The following MPDZ variants were observed in gnomAD, a reference collection of about 807,000 sequenced individuals.
The protein encoded by MPDZ is multiple PDZ domain crumbs cell polarity complex component, also known as multiple PDZ domain protein.
A neutral mutation model predicts 239.1 loss-of-function variants in MPDZ; 234 were observed. That is an observed-to-expected ratio of 0.98 (90% confidence interval 0.88 to 1.09). The LOEUF (loss-of-function observed/expected upper bound fraction) is 1.09. Ranked by LOEUF, MPDZ falls within the 50% of genes least tolerant of loss-of-function variation. MPDZ has a pLI of 0.00. For synonymous variants in MPDZ, 1,048 were observed against 881.3 expected (o/e 1.19, Z -3.35); for missense variants, 3,175 against 2,510.0 (o/e 1.26, Z -5.66).
intron 21 of MPDZ, among the ~76,000 whole-genome samples, chr9:13,169,967 A>C (rs1271297686): frequency 2.6e-5 from 4 of 152,176 alleles, no homozygotes; most frequent in African/African-American, 7.2e-5. Context: ...ACTCTATCTG[A>C]ATTAATGTTC....
intron 39 of MPDZ, among the ~76,000 whole-genome samples, chr9:13,117,219 A>G (rs1943595319): frequency 6.6e-6 from 1 of 152,160 alleles, no homozygotes. Flanking sequence ...AAACCACAGG[A>G]AGAGAAACTG....
chr9:13,188,767 A>G lies in MPDZ; in HGVS notation c.2364+17T>C, dbSNP rs2134846227. The G allele has an allele frequency of 1.2e-6, 2 of 1,602,844 alleles. No individual in the cohort carries two copies. Among genetic ancestry groups the G allele is most frequent in the Non-Finnish European group, 1.7e-6 (2 of 1,172,408 alleles). ...GCTTATAAATATAAAGGGAAGCAATAAAGTCTGAATTCTTACGGGTAAAGG... is the reference window on the plus strand; with the variant it reads ...GCTTATAAATATAAAGGGAAGCAATGAAGTCTGAATTCTTACGGGTAAAGG... On this transcript the variant is annotated intron_variant, in intron 17 of 46. Coordinates refer to ENST00000319217, the MANE Select transcript of MPDZ (RefSeq NM_001378778.1).
chr9:13,139,849 A>T (rs1247947056), intron 28 of MPDZ, 138 bp downstream of exon 28: 1 of 1,004,544 alleles, frequency 1.0e-6, no homozygotes, highest in African/African-American at 1.6e-5. Flanking sequence ...CAAAACAAAC[A>T]CTATTTCTTT....
chr9:13,121,999 AAGAG>A, intron 37 of MPDZ, 67 bp from the exon 38 acceptor site: 1 of 1,595,602 alleles, frequency 6.3e-7, no homozygotes, highest in Non-Finnish European at 8.6e-7. Context: ...TGGGGAAGGG[AAGAG>A]AGAGAAAGAA....
intron 3 of MPDZ, among the ~76,000 whole-genome samples, chr9:13,240,781 A>G (rs908964337): frequency 2.6e-5 from 4 of 152,018 alleles, no homozygotes; most frequent in African/African-American, 9.7e-5. Flanking sequence ...AGTCTATAGC[A>G]CATAAGGGCT....
At chr9:13,246,742 T>G (rs879589439) in intron 3 of MPDZ, among the ~76,000 whole-genome samples, 4 of 152,346 alleles carry the variant, frequency 2.6e-5, no homozygotes, top group South Asian at 4.1e-4. Context: ...CACTCAATTA[T>G]GAAACTAATC....
intron 1 of MPDZ, among the ~76,000 whole-genome samples, chr9:13,269,721 G>C (rs1338005406): frequency 6.6e-6 from 1 of 152,212 alleles, no homozygotes; most frequent in Non-Finnish European, 1.5e-5. Context: ...TGCCAGCAAA[G>C]AGATGTTACT....
intron 22 of MPDZ, among the ~76,000 whole-genome samples, chr9:13,166,921 T>G (rs1029115858): frequency 6.6e-6 from 1 of 152,162 alleles, no homozygotes; most frequent in African/African-American, 2.4e-5. Flanking sequence ...TTTTAACGAC[T>G]TTTAAAGTTC....
At chr9:13,239,981 C>T (rs1034035998) in intron 3 of MPDZ, among the ~76,000 whole-genome samples, 1 of 151,944 alleles carries the variant, frequency 6.6e-6, no homozygotes, top group East Asian at 1.9e-4. Context: ...GTAGCTTGAG[C>T]AAAAATTATA....
chr9:13,157,086 C>G (rs1949920384), intron 24 of MPDZ, among the ~76,000 whole-genome samples: 1 of 152,112 alleles, frequency 6.6e-6, no homozygotes, highest in Admixed American at 6.6e-5. Context: ...TGCAGGTTAT[C>G]ACTGGTGGGC....
intron 24 of MPDZ, among the ~76,000 whole-genome samples, chr9:13,152,502 C>T (rs1198677697): frequency 6.6e-6 from 1 of 152,070 alleles, no homozygotes; most frequent in Non-Finnish European, 1.5e-5. Context: ...CTCTTGTCTG[C>T]CACCATGTGA....
intron 1 of MPDZ, among the ~76,000 whole-genome samples, chr9:13,255,391 C>T (rs937056941): frequency 6.6e-6 from 1 of 152,188 alleles, no homozygotes; most frequent in Non-Finnish European, 1.5e-5. Flanking sequence ...CCATGAATTA[C>T]AAATATCTTA....
rs776936732 is a variant in MPDZ at position 13,219,651 on chromosome 9, T to G, written c.994A>C (p.Met332Leu). 6.2e-7 allele frequency: 1 copy of G among 1,612,728 alleles called. No individual in the cohort carries two copies. Among genetic ancestry groups the G allele is most frequent in the Non-Finnish European group, 8.5e-7 (1 of 1,179,248 alleles). The stretch of plus-strand genomic sequence containing the variant: ...TCTTCTATGGCACCTCTTGCAATCA[T>G]CAACTTAACTCTATTTCCACATTGC... ...LRQCGNRVKLMIARGAIEERT... is the reference protein window; with the variant it reads ...LRQCGNRVKLLIARGAIEERT... Residue 332 changes from methionine to leucine, a missense_variant, in exon 8 of 47, where the codon ATG becomes CTG. Met to Leu is a conservative substitution (Grantham distance 15). Transcript: ENST00000319217.
At chr9:13,227,416 T>G (rs902402486) in intron 3 of MPDZ, among the ~76,000 whole-genome samples, 1 of 152,058 alleles carries the variant, frequency 6.6e-6, no homozygotes, top group African/African-American at 2.4e-5. Context: ...TCAATAAAGT[T>G]TGCCAGCAGA....
At chr9:13,140,406 A>ATG (rs1050811264) in intron 27 of MPDZ, among the ~76,000 whole-genome samples, 6 of 133,336 alleles carry the variant, frequency 4.5e-5, no homozygotes, top group African/African-American at 2.1e-4. Flanking sequence ...ATATATATAT[A>ATG]TATGTATATA....
In MPDZ at chr9:13,219,574, T is replaced by C. The variant is rs773498014; in HGVS notation, c.1071A>G (p.Ser357=). The C allele has an allele frequency of 1.1e-5, 18 of 1,611,930 alleles. No individual in the cohort carries two copies. In the South Asian group the frequency reaches 1.9e-4, roughly 17 times the overall value. Residue 357 remains serine (S), a synonymous_variant, in exon 8 of 47, where the codon TCA becomes TCG. Transcript: ENST00000319217. ...LGITLSSSPT[S]TPELRVDAST... is the part of the protein sequence containing the mutation. ...AACTACTTACCCGCAACTCTGGTGTTGAAGTTGGGGATGAGGAGAGGGTGA... is the reference window on the plus strand; with the variant it reads ...AACTACTTACCCGCAACTCTGGTGTCGAAGTTGGGGATGAGGAGAGGGTGA...
At chr9:13,250,160 T>C in intron 2 of MPDZ, 140 bp downstream of exon 2, 1 of 662,096 alleles carries the variant, frequency 1.5e-6, no homozygotes, top group Non-Finnish European at 2.5e-6. Flanking sequence ...ATTACCTTAA[T>C]ACAATGCTAG....
At chr9:13,226,211 A>G (rs1960546418) in intron 3 of MPDZ, among the ~76,000 whole-genome samples, 1 of 152,116 alleles carries the variant, frequency 6.6e-6, no homozygotes, top group Non-Finnish European at 1.5e-5. Context: ...GTACAATGAC[A>G]CACGTAACAA....
At chr9:13,173,439 G>T (rs745576482) in intron 21 of MPDZ, among the ~76,000 whole-genome samples, 1 of 151,952 alleles carries the variant, frequency 6.6e-6, no homozygotes, top group South Asian at 2.1e-4. Flanking sequence ...AGGGTGACTC[G>T]TGCCTGTAAT....
Sources: allele counts gnomAD v4.1 joint callset (sites outside exome capture counted in the v4.1 genomes callset), GRCh38; gene constraint gnomAD v4.1.1; transcripts MANE v1.5; gene names NCBI Gene and HGNC (gene_info 2026-07-23, HGNC 2026-07-21).